AVEN: variants seen among roughly 807,000 people sequenced by gnomAD.
The protein encoded by AVEN is cell death regulator Aven.
AVEN carries 41 observed loss-of-function variants against 38.1 expected under a neutral mutation model. The ratio of observed to expected loss-of-function variants is 1.08; its 90% CI spans 0.84 to 1.40. The LOEUF (loss-of-function observed/expected upper bound fraction) is 1.40. AVEN is among the 40% of genes most tolerant of loss of function. The pLI is 0.00. For synonymous variants in AVEN, 206 were observed against 171.8 expected (o/e 1.20, Z -1.56); for missense variants, 605 against 438.8 (o/e 1.38, Z -3.38).
intron 1 of AVEN, among the ~76,000 whole-genome samples, chr15:34,024,410 G>GAGGCCA (rs1898346562): frequency 6.6e-6 from 1 of 150,540 alleles, no homozygotes; most frequent in Non-Finnish European, 1.5e-5. Flanking sequence ...AGCATTTTGG[G>GAGGCCA]AGGCCAAGGC....
chr15:33,931,133 CACAA>C (rs1022006208), intron 2 of AVEN, among the ~76,000 whole-genome samples: 10 of 151,964 alleles, frequency 6.6e-5, no homozygotes, highest in African/African-American at 1.7e-4. Context: ...ATGGATACGG[CACAA>C]ACAATGAGGA....
intron 1 of AVEN, among the ~76,000 whole-genome samples, chr15:34,026,114 GT>G (rs1281276688): frequency 2.0e-5 from 3 of 152,112 alleles, no homozygotes; most frequent in Admixed American, 2.0e-4. Context: ...CACAGATTAA[GT>G]TTGATATTCT....
In AVEN at chr15:33,941,456, G is replaced by A. The variant is rs181045412; in HGVS notation, c.445+61576C>T. On this transcript the variant is annotated intron_variant, in intron 2 of 5. Coordinates refer to ENST00000306730, the MANE Select transcript of AVEN (RefSeq NM_020371.3). ...TGAAACCTACCAATCAAAGAATATGGTCACATGTGACAGAAACTACCACCA... is the reference window on the plus strand; with the variant it reads ...TGAAACCTACCAATCAAAGAATATGATCACATGTGACAGAAACTACCACCA... 1.3e-5 allele frequency among the ~76,000 whole-genome samples: 2 copies of A among 152,212 alleles called. 1 individual carries two copies. The highest frequency in any genetic ancestry group is 1.3e-4 in the Admixed American group (2 of 15,290).
chr15:34,027,501 C>T (rs138700903), intron 1 of AVEN, among the ~76,000 whole-genome samples: 84 of 147,382 alleles, frequency 5.7e-4, no homozygotes, highest in Non-Finnish European at 1.1e-3. Flanking sequence ...TGCACTCCAG[C>T]CTGGATGACA....
downstream of AVEN, among the ~76,000 whole-genome samples, chr15:33,857,260 C>CGT (rs1567341193): frequency 5.3e-5 from 8 of 151,898 alleles, no homozygotes; most frequent in African/African-American, 1.7e-4. Context: ...GCACCAGCAC[C>CGT]TGGTCTCCTC....
At chr15:34,022,840 G>T (rs1235887067) in intron 1 of AVEN, among the ~76,000 whole-genome samples, 1 of 152,194 alleles carries the variant, frequency 6.6e-6, no homozygotes, top group Non-Finnish European at 1.5e-5. Context: ...TGCTACCTCT[G>T]TACCACCACT....
the AVEN span, chr15:33,852,896 C>A: frequency 1.5e-6 from 1 of 687,392 alleles, no homozygotes; most frequent in Non-Finnish European, 2.5e-6. Context: ...TGTGATGACT[C>A]TGAACTTCAA....
At chr15:33,881,032 T>G (rs1482960337) in intron 2 of AVEN, among the ~76,000 whole-genome samples, 1 of 151,604 alleles carries the variant, frequency 6.6e-6, no homozygotes, top group Admixed American at 6.5e-5. Context: ...ATAACACAAT[T>G]TAAAGAAGGC....
chr15:33,913,199 T>C (rs989890828), intron 2 of AVEN, among the ~76,000 whole-genome samples: 1 of 152,192 alleles, frequency 6.6e-6, no homozygotes, highest in Non-Finnish European at 1.5e-5. Flanking sequence ...GGCATAATTT[T>C]TTAAAAAAAG....
At position 33,945,096 on chromosome 15, in the gene AVEN, T is replaced by A. The variant is rs117277069; in HGVS notation, c.445+57936A>T. ...AGCAATGTCTGTAATCACACAGAGC[T>A]GTTCCCTGAATGGCAATAACCCAAG... On this transcript the variant is annotated intron_variant, in intron 2 of 5. Coordinates refer to ENST00000306730, the MANE Select transcript of AVEN (RefSeq NM_020371.3). Among the ~76,000 whole-genome samples, 336 of 152,342 alleles carry A rather than the reference T, an allele frequency of 2.2e-3. 2 individuals carry two copies. The highest frequency in any genetic ancestry group is 3.8e-3 in the Non-Finnish European group (261 of 68,032).
intron 2 of AVEN, among the ~76,000 whole-genome samples, chr15:33,932,067 G>C (rs1893871998): frequency 6.6e-6 from 1 of 152,162 alleles, no homozygotes; most frequent in Non-Finnish European, 1.5e-5. Context: ...GTAAAAGTCA[G>C]AAAATTTAGA....
chr15:33,976,442 C>A (rs1168044649), intron 2 of AVEN, among the ~76,000 whole-genome samples: 1 of 145,692 alleles, frequency 6.9e-6, no homozygotes, highest in Admixed American at 7.2e-5. Context: ...AACCAACAAC[C>A]AATACCCATG....
intron 1 of AVEN, among the ~76,000 whole-genome samples, chr15:34,029,887 A>G (rs1465665922): frequency 6.6e-6 from 1 of 152,236 alleles, no homozygotes; most frequent in Non-Finnish European, 1.5e-5. Flanking sequence ...GGAAAAAATG[A>G]TGTTGAAACA....
intron 2 of AVEN, among the ~76,000 whole-genome samples, chr15:33,891,089 T>G (rs573641860): frequency 4.0e-5 from 6 of 151,664 alleles, no homozygotes; most frequent in African/African-American, 1.5e-4. Flanking sequence ...AGCAACAGAG[T>G]GAGACTCTGT....
intron 1 of AVEN, among the ~76,000 whole-genome samples, chr15:34,003,731 T>A (rs1897226267): frequency 6.6e-6 from 1 of 152,236 alleles, no homozygotes; most frequent in Non-Finnish European, 1.5e-5. Context: ...CAATGACTTG[T>A]GAAATGGAGT....
intron 4 of AVEN, among the ~76,000 whole-genome samples, chr15:33,868,209 G>C (rs1890774665): frequency 6.6e-6 from 1 of 152,134 alleles, no homozygotes; most frequent in East Asian, 1.9e-4. Flanking sequence ...TCTGTATTAA[G>C]ACATGAACAT....
At chr15:34,001,192 T>C (rs1335532930) in intron 2 of AVEN, among the ~76,000 whole-genome samples, 1 of 151,742 alleles carries the variant, frequency 6.6e-6, no homozygotes, top group Non-Finnish European at 1.5e-5. Flanking sequence ...AGCTAATTTT[T>C]TGTGTTTTTA....
intron 1 of AVEN, among the ~76,000 whole-genome samples, chr15:34,036,835 G>A (rs186585407): frequency 6.0e-5 from 9 of 148,978 alleles, no homozygotes; most frequent in Admixed American, 5.4e-4. Flanking sequence ...CAGGCGCAGT[G>A]GGTCACACCT....
At chr15:34,014,385 CAAAAACAA>C (rs1283362552) in intron 1 of AVEN, among the ~76,000 whole-genome samples, 2 of 23,894 alleles carry the variant, frequency 8.4e-5, no homozygotes, top group Non-Finnish European at 2.8e-4. Context: ...AAAAAAAAAA[CAAAAACAA>C]AAACCACGTT....
Sources: gnomAD v4.1 joint callset for allele counts (sites outside exome capture counted in the v4.1 genomes callset) on GRCh38, gnomAD v4.1.1 for gene constraint, MANE v1.5 for transcripts, NCBI Gene and HGNC (gene_info 2026-07-23, HGNC 2026-07-21) for gene names.